Variants in MGAT5 observed in about 807,000 individuals in gnomAD.
MGAT5 encodes alpha-1,6-mannosylglycoprotein 6-beta-N-acetylglucosaminyltransferase, also known as alpha-1,6-mannosylglycoprotein 6-beta-N-acetylglucosaminyltransferase A.
A neutral mutation model predicts 94.3 loss-of-function variants in MGAT5; 30 were observed. The observed-to-expected ratio is 0.32, with a 90% CI of 0.24 to 0.43. The LOEUF (loss-of-function observed/expected upper bound fraction) is 0.43. MGAT5 is among the 20% of genes least tolerant of loss of function. MGAT5 has a pLI of 1.00. For missense variants in MGAT5, 691 were observed against 905.5 expected, an observed-to-expected ratio of 0.76 and a Z score of 3.04; for synonymous variants, 310 against 322.9, an observed-to-expected ratio of 0.96 and a Z score of 0.43.
At chr2:134,124,363 C>T (rs1421825403) in intron 1 of MGAT5, among the ~76,000 whole-genome samples, 1 of 152,168 alleles carries the variant, frequency 6.6e-6, no homozygotes, top group Non-Finnish European at 1.5e-5. Context: ...GTCATATCTG[C>T]AGGGCTATGT....
intron 1 of MGAT5, among the ~76,000 whole-genome samples, chr2:134,204,525 G>C (rs1015450233): frequency 1.3e-5 from 2 of 152,112 alleles, no homozygotes; most frequent in African/African-American, 4.8e-5. Context: ...GAAGGTAAGA[G>C]AGCTGGCCAG....
chr2:134,307,571 TGG>T (rs1457502770), intron 2 of MGAT5, among the ~76,000 whole-genome samples: 2 of 152,270 alleles, frequency 1.3e-5, no homozygotes, highest in South Asian at 4.1e-4. Context: ...GTTCTGAGGC[TGG>T]AATTCATGAT....
chr2:134,268,627 T>C lies in MGAT5; in HGVS notation c.242-1759T>C, dbSNP rs1037183082. The stretch of plus-strand genomic sequence containing the variant: ...TGCATCACCTGAGGAGAGAGTTCTT[T>C]GGGAAGGATGAGAACATTTTCCAGT... On this transcript the variant is annotated intron_variant, in intron 1 of 15. Coordinates refer to ENST00000281923, the MANE Select transcript of MGAT5 (RefSeq NM_002410.5). This position sits in a 1 kb window ranked among gnomAD's most constrained non-coding sequence, Gnocchi z 4.1. Among the ~76,000 whole-genome samples the C allele has an allele frequency of 6.6e-5, 10 of 152,240 alleles. No homozygotes were observed. The highest frequency in any genetic ancestry group is 1.3e-4 in the Non-Finnish European group (9 of 68,036).
chr2:134,348,165 A>T (rs541734649), intron 8 of MGAT5, among the ~76,000 whole-genome samples: 80 of 152,314 alleles, frequency 5.3e-4, no homozygotes, highest in Non-Finnish European at 1.1e-3. Flanking sequence ...GTGGAAAGGG[A>T]TGCTCTGAGC....
chr2:134,237,149 G>GTGTGTGTGCA (rs1553499213), intron 1 of MGAT5, among the ~76,000 whole-genome samples: 43 of 87,822 alleles, frequency 4.9e-4, no homozygotes, highest in Middle Eastern at 5.1e-3. Flanking sequence ...GTGTGTGTGT[G>GTGTGTGTGCA]CGCGTGTGTG....
At chr2:134,251,359 C>T (rs1021654809), upstream of MGAT5, among the ~76,000 whole-genome samples, 1 of 152,146 alleles carries the variant, frequency 6.6e-6, no homozygotes, top group Non-Finnish European at 1.5e-5. Flanking sequence ...TGGCGCGGAG[C>T]GGAGTGGAGG....
intron 1 of MGAT5, among the ~76,000 whole-genome samples, chr2:134,153,460 T>C (rs186573746): frequency 6.6e-6 from 1 of 152,170 alleles, no homozygotes; most frequent in African/African-American, 2.4e-5. Flanking sequence ...GCAGGACAAA[T>C]GCACAAGAAC....
In MGAT5 at chr2:134,186,366, C is replaced by T. The variant is rs556447400; in HGVS notation, c.-143+66075C>T. On this transcript the variant is annotated intron_variant, in intron 1 of 16. Coordinates refer to the MGAT5 transcript ENST00000409645. Reference sequence around the variant, plus strand: ...GAGGGGATAGTCAAGGAAAAAGGAGCCCTGGAGTCGTTTCTTTTTTTTTTT... The same window carrying T: ...GAGGGGATAGTCAAGGAAAAAGGAGTCCTGGAGTCGTTTCTTTTTTTTTTT... Among the ~76,000 whole-genome samples the T allele has an allele frequency of 5.5e-4, 84 of 151,760 alleles. 1 individual carries two copies. Among genetic ancestry groups the T allele is most frequent in the Non-Finnish European group, 7.5e-4 (51 of 67,950 alleles).
chr2:134,385,714 T>C (rs1278174622), intron 10 of MGAT5, among the ~76,000 whole-genome samples: 1 of 152,114 alleles, frequency 6.6e-6, no homozygotes, highest in African/African-American at 2.4e-5. Context: ...ATACGAAACA[T>C]ACATAGGGCA....
intron 15 of MGAT5, among the ~76,000 whole-genome samples, chr2:134,442,522 CT>C (rs1685540189): frequency 6.6e-6 from 1 of 152,192 alleles, no homozygotes; most frequent in Non-Finnish European, 1.5e-5. Context: ...AGACCTGAGT[CT>C]GCGGGGTCTC....
intron 10 of MGAT5, among the ~76,000 whole-genome samples, chr2:134,376,492 C>T (rs1259425533): frequency 1.3e-5 from 2 of 152,146 alleles, no homozygotes; most frequent in Non-Finnish European, 2.9e-5. Context: ...ATCATTTAAA[C>T]CAGTGACAAT....
At chr2:134,137,666 GAT>G (rs1686472005) in intron 1 of MGAT5, among the ~76,000 whole-genome samples, 1 of 152,096 alleles carries the variant, frequency 6.6e-6, no homozygotes, top group African/African-American at 2.4e-5. Context: ...CATATGAAAA[GAT>G]AATGGGAATA....
intron 1 of MGAT5, among the ~76,000 whole-genome samples, chr2:134,187,075 C>G (rs1689079427): frequency 6.6e-6 from 1 of 152,086 alleles, no homozygotes; most frequent in Non-Finnish European, 1.5e-5. Context: ...CAAACTTGAC[C>G]TAGCTTGAGG....
At position 134,237,123 on chromosome 2, in the gene MGAT5, A is replaced by ATGTGTGTGTGTGTGTGTG. The variant is rs68003122; in HGVS notation, c.-142-17130_-142-17113dup. Among the ~76,000 whole-genome samples the ATGTGTGTGTGTGTGTGTG allele has an allele frequency of 2.3e-3, 322 of 140,706 alleles. 4 individuals are homozygous for ATGTGTGTGTGTGTGTGTG. Among genetic ancestry groups the ATGTGTGTGTGTGTGTGTG allele is most frequent in the South Asian group, 0.015 (68 of 4,518 alleles). 92.3% of individuals were successfully genotyped at this position (140,706 alleles called of 152,430 possible). A position where few individuals can be genotyped will look rare whatever the true frequency, so the allele number is the denominator to read the frequency against. ...TAGGTAGGTTATGTAGAAGGAGTATATGTGTGTGTGTGTGTGTGTGTGTGT... is the reference window on the plus strand; with the variant it reads ...TAGGTAGGTTATGTAGAAGGAGTATATGTGTGTGTGTGTGTGTGTGTGTGTGTGTGTGTGTGTGTGTGT... On this transcript the variant is annotated intron_variant, in intron 1 of 16. Coordinates refer to the MGAT5 transcript ENST00000409645.
chr2:134,416,889 G>A (rs1002214500), intron 12 of MGAT5, among the ~76,000 whole-genome samples: 1 of 150,774 alleles, frequency 6.6e-6, no homozygotes, highest in African/African-American at 2.4e-5. Flanking sequence ...TACAGCATGA[G>A]TCACCATGCC....
chr2:134,426,881 C>T (rs1684620698), intron 13 of MGAT5, among the ~76,000 whole-genome samples: 1 of 152,086 alleles, frequency 6.6e-6, no homozygotes, highest in Non-Finnish European at 1.5e-5. Flanking sequence ...AATAGAGTGA[C>T]CTCTCTGTTC....
chr2:134,156,915 A>G (rs1687506389), intron 1 of MGAT5, among the ~76,000 whole-genome samples: 1 of 152,192 alleles, frequency 6.6e-6, no homozygotes, highest in South Asian at 2.1e-4. Context: ...GCATGCCTTC[A>G]GGTAGCTCGC....
chr2:134,150,520 C>G (rs981974512), intron 1 of MGAT5, among the ~76,000 whole-genome samples: 1 of 152,174 alleles, frequency 6.6e-6, no homozygotes, highest in Non-Finnish European at 1.5e-5. Context: ...ACACCAGTGC[C>G]TGGAGATTTC....
intron 15 of MGAT5, among the ~76,000 whole-genome samples, chr2:134,447,138 A>G (rs1276250594): frequency 6.6e-6 from 1 of 152,222 alleles, no homozygotes; most frequent in Non-Finnish European, 1.5e-5. Flanking sequence ...GTACACACAC[A>G]TATGCATACA....
Sources: allele counts gnomAD v4.1 joint callset (sites outside exome capture counted in the v4.1 genomes callset), GRCh38; gene constraint gnomAD v4.1.1; non-coding constraint Gnocchi (gnomAD v3.1); transcripts MANE v1.5; gene names NCBI Gene and HGNC (gene_info 2026-07-23, HGNC 2026-07-21).